The following MACROD1 variants were observed in gnomAD, a reference collection of about 807,000 sequenced individuals.
MACROD1 encodes ADP-ribose glycohydrolase MACROD1.
Under a neutral mutation model 41.4 loss-of-function variants are expected in MACROD1, and 31 were observed. The observed-to-expected ratio is 0.75, with a 90% CI of 0.56 to 1.01. The LOEUF (loss-of-function observed/expected upper bound fraction) is 1.01, where lower values mean the gene tolerates loss of function less well. MACROD1 is among the 50% of genes least tolerant of loss of function. The pLI, the probability that MACROD1 is intolerant of heterozygous loss-of-function variation, is 0.00. For missense variants in MACROD1, 473 were observed against 460.0 expected (o/e 1.03, Z -0.26); for synonymous variants, 252 against 203.4 (o/e 1.24, Z -2.03).
rs996461914 is a variant in MACROD1, at chr11:64,166,081, G to A, written c.-87C>T. ...TCTCTCCCTTATTTACTCTGGGACCGGGTGGCGACTGCCAGCCAGCGGCGA... is the reference window on the plus strand; with the variant it reads ...TCTCTCCCTTATTTACTCTGGGACCAGGTGGCGACTGCCAGCCAGCGGCGA... On this transcript the variant is annotated 5_prime_UTR_variant, in exon 1 of 11. Transcript: ENST00000255681. 8.7e-5 allele frequency: 106 copies of A among 1,220,490 alleles called. No homozygotes were observed. Among genetic ancestry groups the A allele is most frequent in the Non-Finnish European group, 1.0e-4 (102 of 978,702 alleles). 75.6% of individuals were successfully genotyped at this position (1,220,490 alleles called of 1,614,324 possible). A position where few individuals can be genotyped will look rare whatever the true frequency, so the allele number is the denominator to read the frequency against.
At chr11:64,001,551 A>G (rs1343927272) in intron 4 of MACROD1, 2 of 702,186 alleles carry the variant, frequency 2.8e-6, no homozygotes, top group Non-Finnish European at 5.2e-6. Context: ...TTGCTGTTTG[A>G]TCTCGTGCCC....
intron 3 of MACROD1, chr11:64,117,892 A>G: frequency 6.2e-7 from 1 of 1,613,994 alleles, no homozygotes; most frequent in South Asian, 1.1e-5. Flanking sequence ...CTCAACCAGG[A>G]GCAGAACGCT....
chr11:64,050,026 G>A (rs560995049), intron 3 of MACROD1, among the ~76,000 whole-genome samples: 2 of 152,308 alleles, frequency 1.3e-5, no homozygotes, highest in Non-Finnish European at 2.9e-5. Flanking sequence ...ATATTAATAA[G>A]AAATGGCCTG....
At chr11:64,016,254 T>TG (rs1327749966) in intron 3 of MACROD1, among the ~76,000 whole-genome samples, 1 of 152,232 alleles carries the variant, frequency 6.6e-6, no homozygotes, top group African/African-American at 2.4e-5. Flanking sequence ...ATGCCAGCAC[T>TG]GCCCCCAGCC....
intron 3 of MACROD1, among the ~76,000 whole-genome samples, chr11:64,125,192 C>T (rs1175296578): frequency 6.6e-6 from 1 of 151,950 alleles, no homozygotes; most frequent in East Asian, 1.9e-4. Flanking sequence ...GGGATGACTG[C>T]CCCCACGTCC....
chr11:64,042,371 G>A (rs1212455272), intron 3 of MACROD1, among the ~76,000 whole-genome samples: 3 of 152,154 alleles, frequency 2.0e-5, no homozygotes, highest in Non-Finnish European at 4.4e-5. Context: ...CCCCCAGACA[G>A]TGGCCATCTG....
intron 3 of MACROD1, 27 bp from the exon 4 acceptor site, chr11:64,015,308 T>C (rs1204333083): frequency 1.9e-6 from 3 of 1,597,954 alleles, no homozygotes; most frequent in Non-Finnish European, 2.6e-6. Flanking sequence ...CAAAGGCAGA[T>C]CAGTGGGGAA....
At position 64,000,345 on chromosome 11, in the gene MACROD1, T is replaced by A; in HGVS notation, c.548-2A>T. ...CGGCCCGATGAATGCAGCCGTCCAC[T>A]GCGGGAAGGGCGGGCGCGACTGAGC... On this transcript the variant is annotated splice_acceptor_variant, in intron 4 of 10. Transcript: ENST00000255681. LOFTEE classifies it high-confidence loss of function. 1 of 1,564,602 alleles carries A rather than the reference T, an allele frequency of 6.4e-7. No individual in the cohort carries two copies. The highest frequency in any genetic ancestry group is 1.2e-5 in the South Asian group (1 of 85,254).
chr11:64,098,377 T>C (rs539325985), intron 3 of MACROD1, among the ~76,000 whole-genome samples: 1 of 152,338 alleles, frequency 6.6e-6, no homozygotes, highest in East Asian at 1.9e-4. Flanking sequence ...TCACATAGGC[T>C]GTTCCCTCAG....
chr11:64,102,361 C>CTGACCCCCCACCTAGGAAGTGGGG (rs1439674610), intron 3 of MACROD1, among the ~76,000 whole-genome samples: 1 of 146,094 alleles, frequency 6.8e-6, no homozygotes, highest in Non-Finnish European at 1.5e-5. Context: ...GTGTTGAGGA[C>CTGACCCCCCACCTAGGAAGTGGGG]TGACCCCCCA....
At chr11:64,049,666 G>A (rs939281453) in intron 3 of MACROD1, among the ~76,000 whole-genome samples, 1 of 152,214 alleles carries the variant, frequency 6.6e-6, no homozygotes, top group Non-Finnish European at 1.5e-5. Flanking sequence ...GACGCTGGGG[G>A]TGCAGACAGA....
intron 3 of MACROD1, among the ~76,000 whole-genome samples, chr11:64,069,329 C>A (rs1420639161): frequency 3.3e-5 from 5 of 152,196 alleles, no homozygotes; most frequent in African/African-American, 1.2e-4. Context: ...AGCCGAAGAG[C>A]CTGGGGGGCA....
intron 1 of MACROD1, among the ~76,000 whole-genome samples, chr11:64,163,420 G>A (rs1386443656): frequency 6.6e-6 from 1 of 152,156 alleles, no homozygotes; most frequent in East Asian, 1.9e-4. Context: ...ACTCGATTCT[G>A]ACCCCTAGAA....
At chr11:64,105,086 G>A (rs895072424) in intron 3 of MACROD1, among the ~76,000 whole-genome samples, 2 of 152,246 alleles carry the variant, frequency 1.3e-5, no homozygotes, top group East Asian at 1.9e-4. Flanking sequence ...TGCCATCTGC[G>A]GGGGCATTAA....
chr11:64,119,406 T>G (rs1242475349), intron 3 of MACROD1, among the ~76,000 whole-genome samples: 1 of 152,192 alleles, frequency 6.6e-6, no homozygotes, highest in Admixed American at 6.5e-5. Context: ...TTTATTTGAT[T>G]CCAGTGTCCT....
At chr11:64,077,953 C>T (rs1037108816) in intron 3 of MACROD1, among the ~76,000 whole-genome samples, 15 of 152,186 alleles carry the variant, frequency 9.9e-5, no homozygotes, top group African/African-American at 2.2e-4. Context: ...CTGATGGGCC[C>T]GTGCTCAGCC....
At chr11:64,048,158 CCT>C (rs1336886490) in intron 3 of MACROD1, among the ~76,000 whole-genome samples, 1 of 152,226 alleles carries the variant, frequency 6.6e-6, no homozygotes, top group Admixed American at 6.5e-5. Flanking sequence ...ACGACAGCTG[CCT>C]CTCTGGCCCA....
intron 3 of MACROD1, among the ~76,000 whole-genome samples, chr11:64,028,257 GA>G (rs1565199933): frequency 6.6e-6 from 1 of 152,242 alleles, no homozygotes; most frequent in African/African-American, 2.4e-5. Context: ...TGAGGGTCTG[GA>G]GCCGAGGGGG....
intron 3 of MACROD1, among the ~76,000 whole-genome samples, chr11:64,038,698 G>A (rs886766864): frequency 1.3e-5 from 2 of 152,192 alleles, no homozygotes; most frequent in African/African-American, 4.8e-5. Flanking sequence ...GGCCTGTATG[G>A]GACTGTGTGG....
Sources: allele counts gnomAD v4.1 joint callset (sites outside exome capture counted in the v4.1 genomes callset), GRCh38; gene constraint gnomAD v4.1.1; transcripts MANE v1.5; gene names NCBI Gene and HGNC (gene_info 2026-07-23, HGNC 2026-07-21).